Variants in NBPF9 observed in about 807,000 individuals in gnomAD.
The protein encoded by NBPF9 is NBPF family member NBPF9.
In NBPF9, 91 loss-of-function variants were observed where a neutral mutation model predicts 97.8. The observed-to-expected ratio is 0.93, with a 90% CI of 0.79 to 1.11. The LOEUF (loss-of-function observed/expected upper bound fraction) is 1.11. Ranked by LOEUF, NBPF9 falls within the 50% of genes least tolerant of loss-of-function variation. The pLI, the probability that NBPF9 is intolerant of heterozygous loss-of-function variation, is 0.00. For missense variants in NBPF9, 992 were observed against 939.5 expected (o/e 1.06, Z -0.73); for synonymous variants, 334 against 359.5 (o/e 0.93, Z 0.80).
intron 12 of NBPF9, among the ~76,000 whole-genome samples, chr1:149,074,495 T>A (rs1449172853): frequency 2.6e-5 from 4 of 151,602 alleles, no homozygotes; most frequent in Admixed American, 2.6e-4. Context: ...TAGTGTTTAC[T>A]CTGTGCCAAT....
intron 3 of NBPF9, among the ~76,000 whole-genome samples, chr1:149,099,466 T>A (rs1553662739): frequency 6.6e-6 from 1 of 152,250 alleles, no homozygotes; most frequent in Non-Finnish European, 1.5e-5. Context: ...ATTCATTCAT[T>A]TAACAAATAT....
chr1:149,074,717 C>T, intron 12 of NBPF9, among the ~76,000 whole-genome samples: 1 of 151,386 alleles, frequency 6.6e-6, no homozygotes, highest in Non-Finnish European at 1.5e-5. Flanking sequence ...GAACTTTCTT[C>T]CTCTTTAGCA....
At chr1:149,071,794 C>G (rs2079433084) in intron 14 of NBPF9, 118 bp from the exon 15 acceptor site, 3 of 667,304 alleles carry the variant, frequency 4.5e-6, no homozygotes, top group Admixed American at 2.3e-5. Flanking sequence ...CAACTGAAAA[C>G]TCTCATGTTT....
At chr1:149,079,371 AAAG>A in intron 8 of NBPF9, 150 bp from the exon 9 acceptor site, 2 of 785,258 alleles carry the variant, frequency 2.5e-6, no homozygotes, top group Non-Finnish European at 4.5e-6. Flanking sequence ...TGGCCAAGAG[AAAG>A]AATAGAAAAT....
At chr1:149,055,524 T>G (rs1346370333) in exon 30 of NBPF9, 4 of 1,546,430 alleles carry the variant, frequency 2.6e-6, no homozygotes, top group Admixed American at 3.8e-5. Context: ...GGTTTGAGAA[T>G]AGGAATAGAG....
At chr1:149,064,921 G>T in intron 18 of NBPF9, 2 of 524,164 alleles carry the variant, frequency 3.8e-6, no homozygotes, top group Non-Finnish European at 6.7e-6. Context: ...AATGTAACTT[G>T]GTTCTACACA....
exon 30 of NBPF9, chr1:149,055,519 G>C (rs1293438243): frequency 9.8e-5 from 152 of 1,543,750 alleles, no homozygotes; most frequent in Non-Finnish European, 1.3e-4. Flanking sequence ...GGCATGGTTT[G>C]AGAATAGGAA....
At chr1:149,097,454 A>C (rs1374293189) in intron 4 of NBPF9, among the ~76,000 whole-genome samples, 4 of 152,188 alleles carry the variant, frequency 2.6e-5, no homozygotes, top group African/African-American at 9.7e-5. Flanking sequence ...GAGATGAGAC[A>C]GTGGATCCCA....
chr1:149,070,231 G>T (rs1188833124), intron 16 of NBPF9, among the ~76,000 whole-genome samples: 32 of 148,356 alleles, frequency 2.2e-4, no homozygotes, highest in Admixed American at 6.9e-5. Context: ...TGAGGCAGGA[G>T]AATCACTTGA....
chr1:149,070,950 A>G, exon 16 of NBPF9: 1 of 1,612,708 alleles, frequency 6.2e-7, no homozygotes, highest in Non-Finnish European at 8.5e-7. Context: ...TAATGTGTAC[A>G]GCATCTTCCC....
At position 149,065,517 on chromosome 1, in the gene NBPF9, A is replaced by T; in HGVS notation, c.1801+9T>A. 1.2e-6 allele frequency: 2 copies of T among 1,601,448 alleles called. No homozygotes were observed. The highest frequency in any genetic ancestry group is 1.1e-5 in the South Asian group (1 of 90,176). Reference sequence around the variant, plus strand: ...TGGAGCTTTATCACCTTCACAATGGAGTACTCACTGCCTATGTCAACAGCC... The same window carrying T: ...TGGAGCTTTATCACCTTCACAATGGTGTACTCACTGCCTATGTCAACAGCC... On this transcript the variant is annotated intron_variant, in intron 18 of 29. Coordinates refer to ENST00000584027, the Ensembl canonical transcript of NBPF9.
At chr1:149,065,998 T>A (rs1553651625) in intron 17 of NBPF9, 7 of 533,046 alleles carry the variant, frequency 1.3e-5, no homozygotes, top group Non-Finnish European at 6.7e-6. Context: ...GGGCTTCAAC[T>A]ACTTTGCATA....
intron 14 of NBPF9, among the ~76,000 whole-genome samples, chr1:149,072,106 A>T (rs2079458707): frequency 6.7e-6 from 1 of 149,836 alleles, no homozygotes; most frequent in Non-Finnish European, 1.5e-5. Flanking sequence ...CAAGCCTCCA[A>T]GTGGCTTCTG....
chr1:149,055,989 G>T (rs587638689), intron 29 of NBPF9, 90 bp from the exon 30 acceptor site: 2 of 1,577,690 alleles, frequency 1.3e-6, no homozygotes, highest in South Asian at 1.1e-5. Flanking sequence ...TAAGGAAGTG[G>T]TTAGAAAAGA....
chr1:149,097,730 T>G (rs1347739223), intron 4 of NBPF9, among the ~76,000 whole-genome samples: 1 of 152,080 alleles, frequency 6.6e-6, no homozygotes, highest in Non-Finnish European at 1.5e-5. Context: ...TTACTCGTTA[T>G]GGGGTCTCTA....
intron 7 of NBPF9, among the ~76,000 whole-genome samples, chr1:149,081,560 G>C (rs2080448271): frequency 6.6e-6 from 1 of 152,034 alleles, no homozygotes; most frequent in Admixed American, 6.6e-5. Flanking sequence ...TTTGCCTCTT[G>C]GGCCTCAACG....
chr1:149,084,523 C>T (rs1425290370), intron 5 of NBPF9, among the ~76,000 whole-genome samples: 3 of 147,880 alleles, frequency 2.0e-5, no homozygotes, highest in East Asian at 2.1e-4. Context: ...CTGCATCGAG[C>T]TCTCCGCCTC....
chr1:149,097,302 G>C (rs2860546), intron 4 of NBPF9, among the ~76,000 whole-genome samples: 247 of 152,212 alleles, frequency 1.6e-3, no homozygotes, highest in African/African-American at 5.6e-3. Flanking sequence ...TTATTGGAGA[G>C]AGACGCACTA....
At chr1:149,084,259 T>G (rs1237170265) in intron 5 of NBPF9, among the ~76,000 whole-genome samples, 1 of 146,550 alleles carries the variant, frequency 6.8e-6, no homozygotes, top group Non-Finnish European at 1.5e-5. Flanking sequence ...ATATAATATA[T>G]ATACACGTGT....
Sources: gnomAD v4.1 joint callset for allele counts (sites outside exome capture counted in the v4.1 genomes callset) on GRCh38, gnomAD v4.1.1 for gene constraint, MANE v1.5 for transcripts, NCBI Gene and HGNC (gene_info 2026-07-23, HGNC 2026-07-21) for gene names.